The following MME variants were observed in gnomAD, a reference collection of about 807,000 sequenced individuals.
MME encodes the protein neprilysin.
In MME, 98 loss-of-function variants were observed where a neutral mutation model predicts 113.2. The ratio of observed to expected loss-of-function variants is 0.87; its 90% CI spans 0.74 to 1.02. The LOEUF (loss-of-function observed/expected upper bound fraction) is 1.02. Among genes scored for constraint, MME ranks in the 50% least tolerant of loss-of-function variants. The probability of loss-of-function intolerance (pLI) is 0.00; values close to 1 mark genes in which losing one functional copy is unlikely to be tolerated. For missense variants in MME, 836 were observed against 896.0 expected (o/e 0.93, Z 0.86); for synonymous variants, 292 against 300.6 (o/e 0.97, Z 0.30).
chr3:155,074,084 A>T (rs1399244624), intron 1 of MME, among the ~76,000 whole-genome samples: 1 of 151,302 alleles, frequency 6.6e-6, no homozygotes, highest in African/African-American at 2.4e-5. Flanking sequence ...TACACCATCC[A>T]GGCCTTCTAA....
At chr3:155,052,348 A>G (rs1047800620) in intron 1 of MME, among the ~76,000 whole-genome samples, 3 of 152,104 alleles carry the variant, frequency 2.0e-5, no homozygotes, top group Admixed American at 6.5e-5. Flanking sequence ...CCAACCCCAC[A>G]TTTCCCTTCT....
In MME at chr3:155,125,262, C is replaced by A. The variant is rs1331214520; in HGVS notation, c.720+6451C>A. ...GCGCTTCCCAGGTGAGGCAATGCCT[C>A]GCCCTGCTTCGGCTCACGCACGGTG... On this transcript the variant is annotated intron_variant, in intron 8 of 22. Transcript: ENST00000360490. Among the ~76,000 whole-genome samples, 5 of 141,194 alleles carry A rather than the reference C, an allele frequency of 3.5e-5. 1 individual carries two copies. The highest frequency in any genetic ancestry group is 6.3e-5 in the Non-Finnish European group (4 of 63,402). The allele number at this position is 141,194 out of a possible 152,430, so 92.6% of individuals were successfully genotyped here. A position where few individuals can be genotyped will look rare whatever the true frequency, so the allele number is the denominator to read the frequency against.
At chr3:155,078,271 G>A (rs374167837), upstream of MME, among the ~76,000 whole-genome samples, 2 of 152,106 alleles carry the variant, frequency 1.3e-5, no homozygotes, top group Non-Finnish European at 1.5e-5. Context: ...GTCAAGCCCC[G>A]CATGCTTATT....
At chr3:155,113,111 G>T (rs1559925380) in intron 3 of MME, among the ~76,000 whole-genome samples, 1 of 152,082 alleles carries the variant, frequency 6.6e-6, no homozygotes, top group Non-Finnish European at 1.5e-5. Context: ...CAAAGCTGTG[G>T]GATGAGGAGG....
chr3:155,170,820 A>G (rs1182284185), intron 20 of MME, among the ~76,000 whole-genome samples: 1 of 152,110 alleles, frequency 6.6e-6, no homozygotes. Flanking sequence ...TGCTCCTATG[A>G]TATGGCCTGA....
At chr3:155,105,664 A>G (rs1717622593) in intron 3 of MME, among the ~76,000 whole-genome samples, 1 of 152,220 alleles carries the variant, frequency 6.6e-6, no homozygotes, top group African/African-American at 2.4e-5. Flanking sequence ...TCCTTTGCCA[A>G]CTATGTGAAC....
intron 3 of MME, among the ~76,000 whole-genome samples, chr3:155,090,746 T>C (rs1319014810): frequency 6.6e-6 from 1 of 152,200 alleles, no homozygotes; most frequent in African/African-American, 2.4e-5. Context: ...CCATGGAAAG[T>C]GAAACCACAG....
intron 3 of MME, among the ~76,000 whole-genome samples, chr3:155,097,579 G>T (rs1221492105): frequency 1.3e-5 from 2 of 152,132 alleles, no homozygotes; most frequent in African/African-American, 4.8e-5. Context: ...AGTAAAAGAG[G>T]ATGTATATCC....
chr3:155,045,797 T>C lies in MME; in HGVS notation c.-11+21473T>C, dbSNP rs536974648. On this transcript the variant is annotated intron_variant, in intron 1 of 22. Coordinates refer to the MME transcript ENST00000492661. ...CTGACTGTGTATAGTTTGCTTTTTT[T>C]TTTAGCTTCTTAAGGTGGGATATTA... Among the ~76,000 whole-genome samples the C allele has an allele frequency of 2.3e-3, 343 of 152,262 alleles. 1 individual carries two copies. The highest frequency in any genetic ancestry group is 5.5e-3 in the African/African-American group (230 of 41,568).
At chr3:155,063,501 AT>A (rs1349371495) in intron 1 of MME, among the ~76,000 whole-genome samples, 1 of 109,632 alleles carries the variant, frequency 9.1e-6, no homozygotes, top group Non-Finnish European at 1.7e-5. Flanking sequence ...ATATATTTAA[AT>A]ATATATATTT....
intron 1 of MME, among the ~76,000 whole-genome samples, chr3:155,047,834 C>G (rs1713613268): frequency 6.6e-6 from 1 of 152,126 alleles, no homozygotes; most frequent in African/African-American, 2.4e-5. Context: ...CAGTCCGATT[C>G]AGGCAGTATG....
At chr3:155,040,448 T>C (rs1713269393) in intron 1 of MME, among the ~76,000 whole-genome samples, 1 of 152,142 alleles carries the variant, frequency 6.6e-6, no homozygotes, top group African/African-American at 2.4e-5. Context: ...TAGGATTAAA[T>C]ATATGTTTAC....
At chr3:155,045,522 T>C (rs1713528134) in intron 1 of MME, among the ~76,000 whole-genome samples, 1 of 146,984 alleles carries the variant, frequency 6.8e-6, no homozygotes, top group Admixed American at 6.7e-5. Flanking sequence ...AAATTAATTA[T>C]CTTTTTTTTT....
At position 155,119,399 on chromosome 3, in the gene MME, G is replaced by A. The variant is rs1320692641; in HGVS notation, c.720+588G>A. Reference sequence around the variant, plus strand: ...ACAACCTTGCCTCCCTTGGGCTGATGTTCACGTGCTCTTTTTTTTTTTTTT... The same window carrying A: ...ACAACCTTGCCTCCCTTGGGCTGATATTCACGTGCTCTTTTTTTTTTTTTT... On this transcript the variant is annotated intron_variant, in intron 8 of 22. Transcript: ENST00000360490. Among the ~76,000 whole-genome samples, 5 of 135,418 alleles carry A rather than the reference G, an allele frequency of 3.7e-5. No individual in the cohort carries two copies. In the Admixed American group the frequency reaches 3.8e-4, roughly 10 times the overall value. 88.8% of individuals were successfully genotyped at this position (135,418 alleles called of 152,430 possible).
At chr3:155,049,008 C>T (rs1278859810) in intron 1 of MME, among the ~76,000 whole-genome samples, 1 of 151,888 alleles carries the variant, frequency 6.6e-6, no homozygotes, top group Non-Finnish European at 1.5e-5. Flanking sequence ...TGTTAAGCAC[C>T]CCCAGTTTGG....
intron 1 of MME, among the ~76,000 whole-genome samples, chr3:155,027,510 T>C (rs1324699212): frequency 2.0e-5 from 3 of 152,336 alleles, no homozygotes; most frequent in East Asian, 1.9e-4. Context: ...ACATACAGAG[T>C]GCCAGGGCCC....
intron 3 of MME, among the ~76,000 whole-genome samples, chr3:155,099,715 C>A (rs941041901): frequency 4.6e-5 from 7 of 152,232 alleles, no homozygotes; most frequent in Non-Finnish European, 7.3e-5. Context: ...CATGTCCCTA[C>A]AAAGGACATG....
At chr3:155,125,391 G>C (rs1043011967) in intron 8 of MME, among the ~76,000 whole-genome samples, 5 of 147,734 alleles carry the variant, frequency 3.4e-5, no homozygotes, top group African/African-American at 7.4e-5. Context: ...CGTTGCTCAC[G>C]CTGGGAGCTG....
At chr3:155,034,586 G>A (rs923607857) in intron 1 of MME, among the ~76,000 whole-genome samples, 1 of 152,150 alleles carries the variant, frequency 6.6e-6, no homozygotes, top group Non-Finnish European at 1.5e-5. Flanking sequence ...TTAGATTTCA[G>A]AAGGTTAAGA....
Sources: gnomAD v4.1 joint callset for allele counts (sites outside exome capture counted in the v4.1 genomes callset) on GRCh38, gnomAD v4.1.1 for gene constraint, MANE v1.5 for transcripts, NCBI Gene and HGNC (gene_info 2026-07-23, HGNC 2026-07-21) for gene names.